Variants in OC90 observed in about 807,000 individuals in gnomAD.
The protein encoded by OC90 is otoconin 90.
A neutral mutation model predicts 47.3 loss-of-function variants in OC90; 46 were observed. That is an observed-to-expected ratio of 0.97 (90% CI 0.77 to 1.24). The LOEUF is 1.24. OC90 is among the 50% of genes most tolerant of loss of function. OC90 has a pLI of 0.00. For missense variants in OC90, 688 were observed against 583.9 expected (o/e 1.18, Z -1.84); for synonymous variants, 271 against 219.5 (o/e 1.23, Z -2.07).
At chr8:132,024,944 G>A (rs960447405) in intron 13 of OC90, among the ~76,000 whole-genome samples, 168 bp from the exon 14 acceptor site, 5 of 152,176 alleles carry the variant, frequency 3.3e-5, no homozygotes, top group African/African-American at 1.2e-4. Context: ...TCCTCCTGCT[G>A]GGAATGATCC....
chr8:132,040,941 C>T (rs2334791), intron 6 of OC90, 103 bp downstream of exon 6: 275,293 of 735,796 alleles, frequency 0.37, 53,729 homozygotes, highest in Admixed American at 0.51. Context: ...CCAGTGGTGA[C>T]GATGATGTGA....
intron 9 of OC90, chr8:132,036,332 G>T: frequency 1.3e-6 from 1 of 780,488 alleles, no homozygotes; most frequent in Non-Finnish European, 2.4e-6. Flanking sequence ...TTCTCCACTG[G>T]ATTCCAGGCT....
At chr8:132,048,600 C>T (rs1247065953) in intron 2 of OC90, among the ~76,000 whole-genome samples, 4 of 151,592 alleles carry the variant, frequency 2.6e-5, no homozygotes, top group Non-Finnish European at 5.9e-5. Flanking sequence ...CTTAGCCACA[C>T]TCTGCACCTT....
intron 13 of OC90, 78 bp downstream of exon 13, chr8:132,028,995 C>G (rs6471026): frequency 0.73 from 694,159 of 953,862 alleles, 253,999 homozygotes; most frequent in Admixed American, 0.77. Context: ...GCTTGGGAAA[C>G]CATCCACAAG....
rs766985631 is a variant in OC90 at position 132,041,254 on chromosome 8, C to T, written c.345-98G>A. 3.0e-5 allele frequency: 23 copies of T among 779,562 alleles called. 1 individual carries two copies. Among genetic ancestry groups the T allele is most frequent in the Non-Finnish European group, 4.9e-5 (22 of 453,246 alleles). The allele number at this position is 779,562 out of a possible 1,614,324, so 48.3% of individuals were successfully genotyped here. On this transcript the variant is annotated intron_variant, in intron 5 of 13. Coordinates refer to ENST00000254627, the MANE Select transcript of OC90 (RefSeq NM_001080399.3). ...TTCTGTGTCTCTGGATGGATCCTGG[C>T]AGTGGTCTATTTTAAATATTCAGTG...
intron 4 of OC90, among the ~76,000 whole-genome samples, chr8:132,042,584 C>T (rs1046179493): frequency 3.3e-5 from 5 of 152,104 alleles, no homozygotes; most frequent in African/African-American, 1.2e-4. Flanking sequence ...TTTATGTTCA[C>T]GTGTATTTAA....
At position 132,041,690 on chromosome 8, in the gene OC90, C is replaced by T; in HGVS notation, c.179G>A (p.Gly60Asp). ...AGCCTGCAGCCAGGTGAAGTGGGGG[C>T]CCAGGCAATCTGTGGGGGTGGGGGG... The part of the protein sequence containing the change: ...ESVAEIFDCL[G>D]PHFTWLQAVF... Residue 60 changes from glycine (G) to aspartate (D), a missense_variant, in exon 5 of 14, where the codon GGC (glycine) becomes GAC (aspartate). Physicochemically the swap from Gly to Asp is moderately conservative, Grantham distance 94 (BLOSUM62 -1). Transcript: ENST00000254627. 6.3e-7 allele frequency: 1 copy of T among 1,597,144 alleles called. No individual in the cohort carries two copies. The highest frequency in any genetic ancestry group is 8.5e-7 in the Non-Finnish European group (1 of 1,170,162).
In OC90 at chr8:132,024,416, G is replaced by A. The variant is rs1358445758; in HGVS notation, c.*65C>T. ...CTCCAAGGGACAGAGGAGGCTGAGA[G>A]ATAAAGAGCTGAAGGTGGAGCAGGA... On this transcript the variant is annotated 3_prime_UTR_variant, in exon 14 of 14. Transcript: ENST00000254627. The A allele has an allele frequency of 2.3e-5, 29 of 1,281,730 alleles. No homozygotes were observed. Among genetic ancestry groups the A allele is most frequent in the Non-Finnish European group, 2.0e-5 (19 of 929,840 alleles). The allele number at this position is 1,281,730 out of a possible 1,614,324, so 79.4% of individuals were successfully genotyped here.
intron 4 of OC90, among the ~76,000 whole-genome samples, chr8:132,044,174 G>A (rs545318583): frequency 6.6e-6 from 1 of 152,260 alleles, no homozygotes; most frequent in Admixed American, 6.5e-5. Context: ...CTATAAAATG[G>A]GGATACCATT....
chr8:132,032,610 G>C (rs1028025915), intron 11 of OC90, among the ~76,000 whole-genome samples: 3 of 152,200 alleles, frequency 2.0e-5, no homozygotes, highest in Admixed American at 1.3e-4. Flanking sequence ...TACTAACAAA[G>C]CCCCTCCTCT....
intron 12 of OC90, among the ~76,000 whole-genome samples, chr8:132,030,558 T>C (rs1047656388): frequency 5.9e-5 from 9 of 152,204 alleles, no homozygotes; most frequent in African/African-American, 2.2e-4. Flanking sequence ...CCTTGTCTCA[T>C]TGAGGGCTAT....
chr8:132,030,921 C>G (rs1471402756), intron 12 of OC90, among the ~76,000 whole-genome samples: 1 of 152,226 alleles, frequency 6.6e-6, no homozygotes, highest in Non-Finnish European at 1.5e-5. Flanking sequence ...TTTGTGTTAG[C>G]TATGACAAGC....
Position 132,035,036 on chromosome 8 carries a change from C to T in OC90, c.680-202G>A, listed in dbSNP as rs917252226. 1.4e-4 allele frequency among the ~76,000 whole-genome samples: 21 copies of T among 152,224 alleles called. 1 individual carries two copies. Among genetic ancestry groups the T allele is most frequent in the Admixed American group, 9.8e-4 (15 of 15,282 alleles). On this transcript the variant is annotated intron_variant, in intron 9 of 13. Coordinates refer to ENST00000254627, the MANE Select transcript of OC90 (RefSeq NM_001080399.3). Reference sequence around the variant, plus strand: ...AGCCAAAGGGAACCCCCCAGAAAAACGCTTGCTGGCAAATGCAGCCACAGC... The same window carrying T: ...AGCCAAAGGGAACCCCCCAGAAAAATGCTTGCTGGCAAATGCAGCCACAGC...
chr8:132,038,710 G>C, intron 8 of OC90, 80 bp downstream of exon 8: 1 of 1,095,078 alleles, frequency 9.1e-7, no homozygotes, highest in Non-Finnish European at 1.4e-6. Context: ...GGCAGGCCTG[G>C]TGGAGGAGGT....
In OC90 at chr8:132,024,646, T is replaced by G; in HGVS notation, c.1269A>C (p.Ala423=). Residue 423 remains alanine, a synonymous_variant, in exon 14 of 14, where the codon GCA becomes GCC. Transcript: ENST00000254627. ...PSRLGCPGQP[A]ACEDSLHPVP... The stretch of plus-strand genomic sequence containing the variant: ...CAGGGTGCAGGCTGTCTTCACAGGC[T>G]GCTGGCTGCCCAGGGCACCCGAGTC... 1.2e-6 allele frequency: 2 copies of G among 1,613,290 alleles called. No individual in the cohort carries two copies.
At chr8:132,026,925 C>T (rs185959282) in intron 13 of OC90, among the ~76,000 whole-genome samples, 1 of 152,250 alleles carries the variant, frequency 6.6e-6, no homozygotes, top group East Asian at 1.9e-4. Flanking sequence ...CTCCCACTTC[C>T]ACTTTCTGTT....
intron 2 of OC90, among the ~76,000 whole-genome samples, chr8:132,048,112 T>G (rs1242980020): frequency 6.6e-6 from 1 of 152,224 alleles, no homozygotes; most frequent in Non-Finnish European, 1.5e-5. Flanking sequence ...ATCTGGTGCC[T>G]CGATCTGAGA....
At chr8:132,025,939 A>T (rs1822751274) in intron 13 of OC90, among the ~76,000 whole-genome samples, 1 of 152,234 alleles carries the variant, frequency 6.6e-6, no homozygotes, top group African/African-American at 2.4e-5. Context: ...GTTAGATTTG[A>T]TGGTTACTTC....
At chr8:132,042,967 A>G (rs1480918765) in intron 4 of OC90, among the ~76,000 whole-genome samples, 1 of 152,262 alleles carries the variant, frequency 6.6e-6, no homozygotes, top group Non-Finnish European at 1.5e-5. Flanking sequence ...ATGCATCTGT[A>G]TGTTCATTGC....
Sources: allele counts gnomAD v4.1 joint callset (sites outside exome capture counted in the v4.1 genomes callset), GRCh38; gene constraint gnomAD v4.1.1; transcripts MANE v1.5; gene names NCBI Gene and HGNC (gene_info 2026-07-23, HGNC 2026-07-21).